Variants in GRID2 observed in about 807,000 individuals in gnomAD.
The protein encoded by GRID2 is glutamate ionotropic receptor delta type subunit 2.
GRID2 carries 33 observed loss-of-function variants against 114.8 expected under a neutral mutation model. The observed-to-expected ratio is 0.29, with a 90% confidence interval of 0.22 to 0.38. The LOEUF (loss-of-function observed/expected upper bound fraction) is 0.38, where lower values mean the gene tolerates loss of function less well. Among genes scored for constraint, GRID2 ranks in the 10% least tolerant of loss-of-function variants. GRID2 has a pLI of 1.00. For missense variants in GRID2, 1,184 were observed against 1,257.7 expected (o/e 0.94, Z 0.89); for synonymous variants, 505 against 449.9 (o/e 1.12, Z -1.55).
At chr4:93,505,940 T>G (rs940136201) in intron 12 of GRID2, among the ~76,000 whole-genome samples, 1 of 152,144 alleles carries the variant, frequency 6.6e-6, no homozygotes, top group Non-Finnish European at 1.5e-5. Flanking sequence ...TTCTCTTGCA[T>G]CTGTATAACA....
chr4:93,758,686 T>TTAAAG (rs1732962303), intron 14 of GRID2, among the ~76,000 whole-genome samples: 9 of 152,280 alleles, frequency 5.9e-5, no homozygotes, highest in Middle Eastern at 6.8e-3. Flanking sequence ...AAAGGTTAAT[T>TTAAAG]GTCAGACTCA....
chr4:93,656,370 G>A (rs2149729285), intron 14 of GRID2, among the ~76,000 whole-genome samples: 1 of 151,930 alleles, frequency 6.6e-6, no homozygotes, highest in Non-Finnish European at 1.5e-5. Flanking sequence ...GTAAAGATTG[G>A]GGGACAAGAA....
At chr4:93,622,986 T>G (rs1374159923) in intron 13 of GRID2, among the ~76,000 whole-genome samples, 1 of 152,188 alleles carries the variant, frequency 6.6e-6, no homozygotes, top group Non-Finnish European at 1.5e-5. Context: ...CTACGGAAAT[T>G]TATTTTGTGT....
At position 93,093,706 on chromosome 4, in the gene GRID2, T is replaced by C. The variant is rs115074269; in HGVS notation, c.529+8427T>C. 2.0e-3 allele frequency among the ~76,000 whole-genome samples: 310 copies of C among 152,088 alleles called. 2 individuals carry two copies. Among genetic ancestry groups the C allele is most frequent in the African/African-American group, 7.4e-3 (306 of 41,522 alleles). On this transcript the variant is annotated intron_variant, in intron 3 of 15. Coordinates refer to ENST00000282020, the MANE Select transcript of GRID2 (RefSeq NM_001510.4). ...TCTTCCCCCAGGGCTGGATAGGTGCTATATCCGACAAAGCCATAGAAGTCT... is the reference window on the plus strand; with the variant it reads ...TCTTCCCCCAGGGCTGGATAGGTGCCATATCCGACAAAGCCATAGAAGTCT...
intron 2 of GRID2, among the ~76,000 whole-genome samples, chr4:92,878,782 T>C (rs1422243865): frequency 6.6e-6 from 1 of 152,130 alleles, no homozygotes; most frequent in Non-Finnish European, 1.5e-5. Context: ...TTTAGAGAGA[T>C]GACATCCATA....
intron 1 of GRID2, among the ~76,000 whole-genome samples, chr4:92,474,824 GT>G (rs549758332): frequency 6.6e-6 from 1 of 151,524 alleles, no homozygotes; most frequent in African/African-American, 2.4e-5. Flanking sequence ...ATCAATTTAG[GT>G]TTTTTTCTTT....
At chr4:92,687,594 C>A (rs924733952) in intron 2 of GRID2, among the ~76,000 whole-genome samples, 2 of 152,020 alleles carry the variant, frequency 1.3e-5, no homozygotes, top group Admixed American at 6.6e-5. Flanking sequence ...CTTGGGGAGG[C>A]CGAGGTGGGC....
chr4:93,240,393 T>C (rs1747350808), intron 8 of GRID2, among the ~76,000 whole-genome samples: 1 of 151,656 alleles, frequency 6.6e-6, no homozygotes. Context: ...GTCTGCACCT[T>C]TTCCTACATA....
At chr4:92,337,758 AAGG>A (rs1727263786) in intron 1 of GRID2, among the ~76,000 whole-genome samples, 1 of 152,158 alleles carries the variant, frequency 6.6e-6, no homozygotes. Context: ...TAAATTGCCC[AAGG>A]AGATTTGGGT....
intron 5 of GRID2, among the ~76,000 whole-genome samples, chr4:93,213,389 A>G (rs2149478365): frequency 6.6e-6 from 1 of 152,274 alleles, no homozygotes; most frequent in Non-Finnish European, 1.5e-5. Flanking sequence ...CTTAATACTA[A>G]AATCTTCTTT....
At chr4:93,682,481 T>C (rs1341892851) in intron 14 of GRID2, among the ~76,000 whole-genome samples, 1,774 of 151,910 alleles carry the variant, frequency 0.012, 21 homozygotes, top group African/African-American at 0.041. Context: ...CACATGCACA[T>C]GTATGTTTAT....
At chr4:92,972,235 A>G (rs1753568336) in intron 2 of GRID2, among the ~76,000 whole-genome samples, 1 of 148,106 alleles carries the variant, frequency 6.8e-6, no homozygotes. Context: ...GATAACAGCT[A>G]TCCTAACTGG....
At chr4:93,786,076 A>C (rs1337727679) in intron 1 of GRID2, among the ~76,000 whole-genome samples, 1 of 152,274 alleles carries the variant, frequency 6.6e-6, no homozygotes, top group Admixed American at 6.5e-5. Context: ...AAAGAAAACT[A>C]TAACAGTGAA....
intron 3 of GRID2, among the ~76,000 whole-genome samples, chr4:93,108,043 T>A (rs1433787816): frequency 6.6e-6 from 1 of 152,212 alleles, no homozygotes; most frequent in Non-Finnish European, 1.5e-5. Flanking sequence ...CTATAGATTT[T>A]TGATCCACAG....
intron 14 of GRID2, among the ~76,000 whole-genome samples, chr4:93,696,600 A>G (rs374240032): frequency 6.6e-6 from 1 of 152,186 alleles, no homozygotes; most frequent in South Asian, 2.1e-4. Flanking sequence ...CATGTGCACA[A>G]CCTGCAGGTT....
At chr4:92,702,112 C>A (rs938116704) in intron 2 of GRID2, among the ~76,000 whole-genome samples, 24 of 152,118 alleles carry the variant, frequency 1.6e-4, no homozygotes, top group African/African-American at 5.1e-4. Flanking sequence ...TGAGTTCAGA[C>A]CGGAGCAATC....
intron 8 of GRID2, among the ~76,000 whole-genome samples, chr4:93,379,031 C>T (rs1763621599): frequency 6.6e-6 from 1 of 151,926 alleles, no homozygotes; most frequent in African/African-American, 2.4e-5. Context: ...AGAGTGATAC[C>T]TGTTTTTTTA....
In GRID2 at chr4:92,822,315, G is replaced by A. The variant is rs560459592; in HGVS notation, c.244+232029G>A. The A allele has an allele frequency of 1.4e-4, 86 of 618,626 alleles. 1 individual carries two copies. In the African/African-American group the frequency reaches 1.5e-3, roughly 11 times the overall value. 38.3% of individuals were successfully genotyped at this position (618,626 alleles called of 1,614,324 possible). The stretch of plus-strand genomic sequence containing the variant: ...CCAGCATTGCCTCCAGAAGCACAGA[G>A]GGATCCATCTGGAGAGACAGTCACA... On this transcript the variant is annotated intron_variant, in intron 2 of 15. Coordinates refer to ENST00000282020, the MANE Select transcript of GRID2 (RefSeq NM_001510.4).
At chr4:92,825,341 A>C (rs1741618369) in intron 2 of GRID2, among the ~76,000 whole-genome samples, 1 of 152,098 alleles carries the variant, frequency 6.6e-6, no homozygotes, top group African/African-American at 2.4e-5. Context: ...CCCCTACTAA[A>C]ACTCTTGGCC....
Sources: allele counts gnomAD v4.1 joint callset (sites outside exome capture counted in the v4.1 genomes callset), GRCh38; gene constraint gnomAD v4.1.1; transcripts MANE v1.5; gene names NCBI Gene and HGNC (gene_info 2026-07-23, HGNC 2026-07-21).